DSE: variants seen among roughly 807,000 people sequenced by gnomAD.
DSE encodes dermatan-sulfate epimerase.
A neutral mutation model predicts 84.4 loss-of-function variants in DSE; 36 were observed. That is an observed-to-expected ratio of 0.43 (90% confidence interval 0.33 to 0.56). The LOEUF (loss-of-function observed/expected upper bound fraction) is 0.56, where lower values mean the gene tolerates loss of function less well. DSE is among the 20% of genes least tolerant of loss of function. The probability of loss-of-function intolerance (pLI) is 0.06; values close to 1 mark genes in which losing one functional copy is unlikely to be tolerated. For missense variants in DSE, 862 were observed against 1,169.6 expected (o/e 0.74, Z 3.84); for synonymous variants, 410 against 430.1 (o/e 0.95, Z 0.58).
At chr6:116,326,013 A>G (rs1051461531) in intron 2 of DSE, among the ~76,000 whole-genome samples, 3 of 152,212 alleles carry the variant, frequency 2.0e-5, no homozygotes, top group Non-Finnish European at 4.4e-5. Flanking sequence ...GGATTTTCAC[A>G]GTGCTTTTCT....
chr6:116,392,814 T>A (rs62425176), intron 1 of DSE, among the ~76,000 whole-genome samples: 6,105 of 152,234 alleles, frequency 0.04, 166 homozygotes, highest in Non-Finnish European at 0.064. Context: ...AGTCAGAAAA[T>A]ATTTCCCAAT....
intron 2 of DSE, among the ~76,000 whole-genome samples, chr6:116,356,450 T>G (rs901748790): frequency 2.0e-5 from 3 of 152,230 alleles, no homozygotes; most frequent in Non-Finnish European, 2.9e-5. Flanking sequence ...CATAAAAGTA[T>G]TATAAGACCT....
chr6:116,435,029 A>G (rs2115091800), intron 5 of DSE, among the ~76,000 whole-genome samples: 1 of 152,340 alleles, frequency 6.6e-6, no homozygotes, highest in African/African-American at 2.4e-5. Context: ...ATCCATTTAT[A>G]TTCTGAGATG....
chr6:116,420,336 A>T (rs966523350), intron 2 of DSE, among the ~76,000 whole-genome samples: 1 of 152,176 alleles, frequency 6.6e-6, no homozygotes, highest in African/African-American at 2.4e-5. Context: ...CCTATAGGAG[A>T]GAATTAGATT....
At chr6:116,267,479 A>T (rs1173105106) in intron 2 of DSE, among the ~76,000 whole-genome samples, 2 of 89,720 alleles carry the variant, frequency 2.2e-5, no homozygotes, top group Non-Finnish European at 5.3e-5. Flanking sequence ...AAGCTTATAA[A>T]TTAAAGATAT....
At chr6:116,348,625 G>T (rs551753884) in intron 2 of DSE, among the ~76,000 whole-genome samples, 1 of 152,254 alleles carries the variant, frequency 6.6e-6, no homozygotes, top group Admixed American at 6.5e-5. Flanking sequence ...CCATTACTGG[G>T]TATATACCCA....
chr6:116,397,257 T>G (rs1389784170), intron 1 of DSE, among the ~76,000 whole-genome samples: 1 of 146,194 alleles, frequency 6.8e-6, no homozygotes, highest in Non-Finnish European at 1.5e-5. Flanking sequence ...TCACCCAGCC[T>G]GGAGTGCAGT....
At chr6:116,361,358 C>T (rs1204975428) in intron 2 of DSE, among the ~76,000 whole-genome samples, 1 of 152,020 alleles carries the variant, frequency 6.6e-6, no homozygotes, top group Non-Finnish European at 1.5e-5. Context: ...TGCACCCGGC[C>T]GAATATAAGT....
intron 1 of DSE, among the ~76,000 whole-genome samples, chr6:116,257,659 T>G (rs1772202559): frequency 1.3e-5 from 2 of 152,120 alleles, no homozygotes; most frequent in African/African-American, 4.8e-5. Context: ...TAGTTTGTTG[T>G]TTTTTTGTGT....
chr6:116,380,555 A>G (rs990963511), intron 1 of DSE, among the ~76,000 whole-genome samples: 2 of 152,160 alleles, frequency 1.3e-5, no homozygotes, highest in South Asian at 4.1e-4. Context: ...GCAAGCAGAT[A>G]TGGAGCAGCT....
chr6:116,279,651 C>A, intron 2 of DSE: 2 of 1,605,936 alleles, frequency 1.2e-6, no homozygotes, highest in Non-Finnish European at 1.7e-6. Context: ...GCGGTGGAGG[C>A]GGGAGCGCGA....
intron 2 of DSE, among the ~76,000 whole-genome samples, chr6:116,335,490 G>A (rs1777191414): frequency 6.6e-6 from 1 of 152,164 alleles, no homozygotes; most frequent in Non-Finnish European, 1.5e-5. Context: ...GTTTACCTAT[G>A]TAACAAAACT....
At chr6:116,267,944 G>T (rs1033719256) in intron 2 of DSE, among the ~76,000 whole-genome samples, 4 of 152,118 alleles carry the variant, frequency 2.6e-5, no homozygotes, top group African/African-American at 9.7e-5. Flanking sequence ...TAAGGAGGAA[G>T]TCTGCCCCCA....
chr6:116,329,789 C>A (rs964161933), intron 2 of DSE, among the ~76,000 whole-genome samples: 66 of 152,224 alleles, frequency 4.3e-4, no homozygotes, highest in African/African-American at 1.6e-3. Context: ...AGTGATTATT[C>A]TTCACTGAGG....
chr6:116,426,371 G>C (rs991022351), intron 2 of DSE, among the ~76,000 whole-genome samples: 1 of 152,142 alleles, frequency 6.6e-6, no homozygotes, highest in East Asian at 1.9e-4. Flanking sequence ...TCCTGAGAGA[G>C]AAAACTGTTT....
At chr6:116,324,236 A>C (rs535697146) in intron 2 of DSE, among the ~76,000 whole-genome samples, 2 of 152,160 alleles carry the variant, frequency 1.3e-5, no homozygotes, top group Non-Finnish European at 2.9e-5. Context: ...ATCTTACTTC[A>C]TCAGCTTGCC....
intron 1 of DSE, chr6:116,258,377 A>G: frequency 3.1e-6 from 2 of 647,028 alleles, no homozygotes; most frequent in Non-Finnish European, 5.6e-6. Context: ...TTCATATTGT[A>G]TATCAACATG....
At chr6:116,394,838 C>T (rs2114983022) in intron 1 of DSE, among the ~76,000 whole-genome samples, 2 of 152,310 alleles carry the variant, frequency 1.3e-5, no homozygotes, top group Middle Eastern at 3.4e-3. Flanking sequence ...TGGAATCATT[C>T]AGAAACAGCC....
At chr6:116,389,242 T>A (rs982715433) in intron 1 of DSE, among the ~76,000 whole-genome samples, 1 of 152,150 alleles carries the variant, frequency 6.6e-6, no homozygotes, top group Non-Finnish European at 1.5e-5. Flanking sequence ...GTACTATTAT[T>A]TGATCCATTT....
Sources: gnomAD v4.1 joint callset for allele counts (sites outside exome capture counted in the v4.1 genomes callset) on GRCh38, gnomAD v4.1.1 for gene constraint, MANE v1.5 for transcripts, NCBI Gene and HGNC (gene_info 2026-07-23, HGNC 2026-07-21) for gene names.